DAB1: variants seen among roughly 807,000 people sequenced by gnomAD.
The protein encoded by DAB1 is DAB adaptor protein 1.
In DAB1, 15 loss-of-function variants were observed where a neutral mutation model predicts 64.6. The observed-to-expected ratio is 0.23, with a 90% CI of 0.16 to 0.36. DAB1 has a LOEUF of 0.36. Among genes scored for constraint, DAB1 ranks in the 10% least tolerant of loss-of-function variants. DAB1 has a pLI of 1.00. For synonymous variants in DAB1, 235 were observed against 251.9 expected (o/e 0.93, Z 0.64); for missense variants, 596 against 706.7 (o/e 0.84, Z 1.78).
Position 57,856,891 on chromosome 1 carries a change from G to A in DAB1, n.87+27108C>T, listed in dbSNP as rs193255427. Among the ~76,000 whole-genome samples the A allele has an allele frequency of 7.2e-5, 11 of 152,274 alleles. No homozygotes were observed. The East Asian group carries it at 1.5e-3, about 21-fold the overall frequency. On this transcript the variant is annotated intron_variant and non_coding_transcript_variant, in intron 1 of 1. Transcript: ENST00000477280. ...GGATGTGAATGATACACTCAGGGTC[G>A]GAAATTATTAGCACCTAGAACAGAG...
At chr1:57,757,198 A>ATTTTTTTTTTTTTTT (rs375166170) in intron 6 of DAB1, among the ~76,000 whole-genome samples, 2 of 90,070 alleles carry the variant, frequency 2.2e-5, no homozygotes, top group Non-Finnish European at 5.6e-5. Flanking sequence ...CAGGGGCAGA[A>ATTTTTTTTTTTTTTT]TTTTTTTTTT....
At chr1:58,149,074 G>GT (rs1654776990) in intron 5 of DAB1, among the ~76,000 whole-genome samples, 2 of 152,158 alleles carry the variant, frequency 1.3e-5, no homozygotes, top group Admixed American at 1.3e-4. Context: ...TACAACAGTA[G>GT]TAATTTCTAC....
intron 14 of DAB1, among the ~76,000 whole-genome samples, chr1:57,002,774 G>C (rs1256749823): frequency 6.6e-6 from 1 of 152,218 alleles, no homozygotes; most frequent in African/African-American, 2.4e-5. Flanking sequence ...ACTGTCAGAG[G>C]CTGCTGTTCT....
chr1:57,685,898 T>C (rs971456096), intron 6 of DAB1, among the ~76,000 whole-genome samples: 1 of 152,170 alleles, frequency 6.6e-6, no homozygotes, highest in African/African-American at 2.4e-5. Flanking sequence ...ATCTCTGAGA[T>C]ACAGCTAAAG....
At chr1:57,874,000 A>T (rs1243878070) in intron 1 of DAB1, 2 of 152,158 alleles carry the variant, frequency 1.3e-5, no homozygotes, top group African/African-American at 4.8e-5. Flanking sequence ...AGTCTCTGGT[A>T]CAGATGAAGA....
chr1:57,409,349 T>C (rs1221267644), intron 1 of DAB1, among the ~76,000 whole-genome samples: 7 of 152,234 alleles, frequency 4.6e-5, no homozygotes, highest in African/African-American at 1.7e-4. Context: ...GGTATGGATC[T>C]CCTGGCTGTC....
At chr1:58,465,068 T>C (rs555982594) in intron 3 of DAB1, among the ~76,000 whole-genome samples, 1 of 152,346 alleles carries the variant, frequency 6.6e-6, no homozygotes, top group East Asian at 1.9e-4. Flanking sequence ...ATTCTCAGCC[T>C]GGGTTATTGG....
At chr1:57,833,423 A>G (rs1237684568) in intron 1 of DAB1, among the ~76,000 whole-genome samples, 1 of 152,240 alleles carries the variant, frequency 6.6e-6, no homozygotes, top group East Asian at 1.9e-4. Context: ...TAAAAAAGAA[A>G]GCTCACATCC....
intron 7 of DAB1, among the ~76,000 whole-genome samples, chr1:57,472,657 C>T (rs765795939): frequency 1.4e-4 from 21 of 152,256 alleles, no homozygotes; most frequent in Non-Finnish European, 2.5e-4. Context: ...CCCTCTCACG[C>T]GCACCCCCTT....
At chr1:57,615,776 T>C (rs540701909) in intron 7 of DAB1, among the ~76,000 whole-genome samples, 3 of 152,158 alleles carry the variant, frequency 2.0e-5, no homozygotes. Flanking sequence ...GCAAACACAA[T>C]TAGCAAGCTT....
chr1:58,416,082 A>G (rs1293007287), intron 3 of DAB1, among the ~76,000 whole-genome samples: 1 of 152,180 alleles, frequency 6.6e-6, no homozygotes, highest in Non-Finnish European at 1.5e-5. Context: ...AAAGTAACAA[A>G]GAGGATGCAA....
chr1:57,937,583 G>A (rs1645044731), intron 5 of DAB1, among the ~76,000 whole-genome samples: 2 of 152,138 alleles, frequency 1.3e-5, no homozygotes. Context: ...GTGGTCTGGA[G>A]ACAGTCTAGG....
At chr1:57,749,673 T>G (rs1648462290) in intron 6 of DAB1, among the ~76,000 whole-genome samples, 1 of 152,082 alleles carries the variant, frequency 6.6e-6, no homozygotes, top group Non-Finnish European at 1.5e-5. Context: ...TGATCCCCAT[T>G]CTATGTACTA....
intron 5 of DAB1, among the ~76,000 whole-genome samples, chr1:58,010,081 T>C (rs1646645408): frequency 1.3e-5 from 2 of 152,180 alleles, no homozygotes; most frequent in African/African-American, 4.8e-5. Context: ...GTGTAGACAG[T>C]CTGGCATGTG....
chr1:57,942,134 T>G (rs1048237743), intron 5 of DAB1, among the ~76,000 whole-genome samples: 14 of 152,090 alleles, frequency 9.2e-5, no homozygotes, highest in African/African-American at 3.4e-4. Context: ...TCGATCTAAG[T>G]GAGGAGTGGA....
intron 4 of DAB1, among the ~76,000 whole-genome samples, chr1:58,301,854 A>T (rs1662178210): frequency 6.6e-6 from 1 of 152,194 alleles, no homozygotes; most frequent in South Asian, 2.1e-4. Context: ...AGAAAAATAA[A>T]AGCATCTACC....
chr1:57,483,076 A>G (rs1471936714), intron 7 of DAB1, among the ~76,000 whole-genome samples: 1 of 152,272 alleles, frequency 6.6e-6, no homozygotes, highest in Non-Finnish European at 1.5e-5. Flanking sequence ...TTGAATGTAC[A>G]CAATAATCTC....
chr1:57,414,064 G>C (rs1684317546), intron 1 of DAB1, among the ~76,000 whole-genome samples: 1 of 152,226 alleles, frequency 6.6e-6, no homozygotes, highest in Non-Finnish European at 1.5e-5. Flanking sequence ...TACTTCTAGT[G>C]AAGATGCTGT....
At chr1:57,532,217 G>C (rs981842849) in intron 7 of DAB1, among the ~76,000 whole-genome samples, 1 of 149,330 alleles carries the variant, frequency 6.7e-6, no homozygotes, top group Non-Finnish European at 1.5e-5. Context: ...GGACAGGGTT[G>C]GGGGAGGAGT....
Sources: allele counts gnomAD v4.1 joint callset (sites outside exome capture counted in the v4.1 genomes callset), GRCh38; gene constraint gnomAD v4.1.1; transcripts MANE v1.5; gene names NCBI Gene and HGNC (gene_info 2026-07-23, HGNC 2026-07-21).